Variants in BFSP2 observed in about 807,000 individuals in gnomAD.
The protein encoded by BFSP2 is beaded filament structural protein 2.
BFSP2 carries 38 observed loss-of-function variants against 44.9 expected under a neutral mutation model. The ratio of observed to expected loss-of-function variants is 0.85; its 90% CI spans 0.65 to 1.11. The LOEUF (loss-of-function observed/expected upper bound fraction) is 1.11, where lower values mean the gene tolerates loss of function less well. Ranked by LOEUF, BFSP2 falls within the 50% of genes least tolerant of loss-of-function variation. The pLI, the probability that BFSP2 is intolerant of heterozygous loss-of-function variation, is 0.00. For missense variants in BFSP2, 525 were observed against 533.0 expected (o/e 0.99, Z 0.15); for synonymous variants, 197 against 209.9 (o/e 0.94, Z 0.53).
chr3:133,465,005 T>C (rs1184208033), intron 4 of BFSP2, among the ~76,000 whole-genome samples: 3 of 150,616 alleles, frequency 2.0e-5, no homozygotes, highest in Non-Finnish European at 4.4e-5. Flanking sequence ...GGGTTTCTTT[T>C]TTTTTTTTTT....
rs114574052 is a variant in BFSP2, at chr3:133,412,572, T to C, written c.489+12000T>C. The C allele has an allele frequency of 8.5e-3, 1,300 of 152,368 alleles. 12 individuals are homozygous for C. The highest frequency in any genetic ancestry group is 0.015 in the South Asian group (71 of 4,820). 9.4% of individuals were successfully genotyped at this position (152,368 alleles called of 1,614,324 possible). A position where few individuals can be genotyped will look rare whatever the true frequency, so the allele number is the denominator to read the frequency against. On this transcript the variant is annotated intron_variant, in intron 1 of 6. Transcript: ENST00000302334. ...CAAGGAAGATGCCAGAAGATGGCCCTTCAGAGCGGGGCCCCGCGTGGACCA... is the reference window on the plus strand; with the variant it reads ...CAAGGAAGATGCCAGAAGATGGCCCCTCAGAGCGGGGCCCCGCGTGGACCA...
intron 1 of BFSP2, among the ~76,000 whole-genome samples, chr3:133,425,785 G>GAAGGGACGGGAAAGGGAAAGGGA (rs2073640216): frequency 3.9e-5 from 1 of 25,576 alleles, no homozygotes; most frequent in Admixed American, 5.8e-4. Context: ...AAGGGAAAGG[G>GAAGGGACGGGAAAGGGAAAGGGA]AAGGGAAGGG....
intron 1 of BFSP2, among the ~76,000 whole-genome samples, chr3:133,421,336 C>G (rs1460188726): frequency 6.6e-6 from 1 of 152,184 alleles, no homozygotes; most frequent in African/African-American, 2.4e-5. Flanking sequence ...GGCTGGAAAC[C>G]AAGATGTTAG....
chr3:133,449,934 G>A (rs1309846573), intron 3 of BFSP2, among the ~76,000 whole-genome samples: 7 of 131,412 alleles, frequency 5.3e-5, no homozygotes, highest in South Asian at 2.4e-4. Context: ...GAAGACAGAC[G>A]GAAAGAAAGA....
chr3:133,426,496 C>T (rs148472416), intron 1 of BFSP2, among the ~76,000 whole-genome samples: 21 of 152,336 alleles, frequency 1.4e-4, no homozygotes, highest in African/African-American at 4.6e-4. Context: ...GAGAATTACA[C>T]AATCACTAAG....
At chr3:133,439,119 GATT>G (rs1489225728) in intron 1 of BFSP2, among the ~76,000 whole-genome samples, 1 of 152,208 alleles carries the variant, frequency 6.6e-6, no homozygotes, top group African/African-American at 2.4e-5. Context: ...GATGAAATGA[GATT>G]ATGCCTGTGA....
intron 1 of BFSP2, among the ~76,000 whole-genome samples, chr3:133,402,031 A>G (rs2073366570): frequency 6.6e-6 from 1 of 152,110 alleles, no homozygotes; most frequent in South Asian, 2.1e-4. Flanking sequence ...CAGGGCCTTA[A>G]CGCCTGTCAA....
chr3:133,418,032 C>G (rs918873904), intron 1 of BFSP2, among the ~76,000 whole-genome samples: 4 of 118,176 alleles, frequency 3.4e-5, no homozygotes, highest in Admixed American at 2.3e-4. Context: ...GTCCTCTCCC[C>G]TCTACTCATC....
At chr3:133,448,845 C>A (rs557626440) in intron 3 of BFSP2, 200 bp downstream of exon 3, 3 of 644,308 alleles carry the variant, frequency 4.7e-6, no homozygotes, top group South Asian at 2.0e-5. Context: ...ACTCAAATAG[C>A]TTCAGGAACC....
intron 4 of BFSP2, among the ~76,000 whole-genome samples, chr3:133,456,683 C>T (rs1271574493): frequency 2.6e-5 from 4 of 152,106 alleles, no homozygotes; most frequent in Admixed American, 6.6e-5. Context: ...CCTAGGAGGT[C>T]GAGGTTGCAG....
chr3:133,448,776 C>T, intron 3 of BFSP2, 131 bp downstream of exon 3: 3 of 1,213,454 alleles, frequency 2.5e-6, no homozygotes, highest in Non-Finnish European at 3.5e-6. Flanking sequence ...CTGCAGGGAA[C>T]ATACCTGTAA....
intron 5 of BFSP2, among the ~76,000 whole-genome samples, chr3:133,470,884 T>C (rs1423993904): frequency 6.6e-6 from 1 of 152,148 alleles, no homozygotes; most frequent in African/African-American, 2.4e-5. Flanking sequence ...TTGGTGATGG[T>C]AGCGGCAGAG....
At chr3:133,466,169 G>GC (rs949030102) in intron 4 of BFSP2, among the ~76,000 whole-genome samples, 1 of 150,974 alleles carries the variant, frequency 6.6e-6, no homozygotes, top group East Asian at 1.9e-4. Flanking sequence ...CCAAAGCACG[G>GC]GGGGGGCAAT....
chr3:133,469,567 A>G (rs2074143365), intron 5 of BFSP2, among the ~76,000 whole-genome samples: 1 of 152,248 alleles, frequency 6.6e-6, no homozygotes, highest in Admixed American at 6.5e-5. Context: ...TTGCAATCCC[A>G]GAAAGTCCCT....
At chr3:133,466,755 G>T in intron 4 of BFSP2, 73 bp from the exon 5 acceptor site, 1 of 1,524,882 alleles carries the variant, frequency 6.6e-7, no homozygotes. Flanking sequence ...GTGGTGATTA[G>T]AAAGGCTGGG....
In BFSP2 at chr3:133,424,233, T is replaced by G. The variant is rs1204637776; in HGVS notation, c.490-23084T>G. ...GCTAATTTTTTTTTTTTTTTTTTTTTTTTTTTTTGTATTTTTAGTAGAGAT... is the reference window on the plus strand; with the variant it reads ...GCTAATTTTTTTTTTTTTTTTTTTTGTTTTTTTTGTATTTTTAGTAGAGAT... On this transcript the variant is annotated intron_variant, in intron 1 of 6. Transcript: ENST00000302334. Among the ~76,000 whole-genome samples, 283 of 146,946 alleles carry G rather than the reference T, an allele frequency of 1.9e-3. 7 individuals are homozygous for G. The highest frequency in any genetic ancestry group is 6.7e-3 in the African/African-American group (270 of 40,240).
intron 1 of BFSP2, among the ~76,000 whole-genome samples, chr3:133,434,680 T>C (rs1448146389): frequency 1.3e-5 from 2 of 152,006 alleles, no homozygotes; most frequent in Non-Finnish European, 2.9e-5. Flanking sequence ...ACAAAACAAG[T>C]GTAAATGGCC....
intron 1 of BFSP2, among the ~76,000 whole-genome samples, chr3:133,435,219 C>T (rs1435231676): frequency 2.6e-5 from 4 of 152,166 alleles, no homozygotes; most frequent in Non-Finnish European, 5.9e-5. Flanking sequence ...TGATGGAGGA[C>T]TCTCTAGTGA....
chr3:133,401,780 G>A (rs1008613593), intron 1 of BFSP2, among the ~76,000 whole-genome samples: 4 of 152,180 alleles, frequency 2.6e-5, no homozygotes, highest in African/African-American at 9.7e-5. Flanking sequence ...CTCCCAAGAG[G>A]AGGTCACAAA....
Sources: allele counts gnomAD v4.1 joint callset (sites outside exome capture counted in the v4.1 genomes callset), GRCh38; gene constraint gnomAD v4.1.1; transcripts MANE v1.5; gene names NCBI Gene and HGNC (gene_info 2026-07-23, HGNC 2026-07-21).